LURAP1L: variants seen among roughly 807,000 people sequenced by gnomAD.
LURAP1L encodes leucine rich adaptor protein 1-like.
Under a neutral mutation model 13.8 loss-of-function variants are expected in LURAP1L, and 12 were observed. The observed-to-expected ratio is 0.87, with a 90% CI of 0.56 to 1.41. The LOEUF (loss-of-function observed/expected upper bound fraction) is 1.41. LURAP1L is among the 40% of genes most tolerant of loss of function. The pLI is 0.00. For missense variants in LURAP1L, 375 were observed against 292.9 expected (o/e 1.28, Z -2.04); for synonymous variants, 139 against 119.2 (o/e 1.17, Z -1.08).
chr9:12,776,086 G>GATCTGAGAATGGGGCT, intron 1 of LURAP1L, 59 bp downstream of exon 1: 1 of 1,524,610 alleles, frequency 6.6e-7, no homozygotes, highest in Non-Finnish European at 9.0e-7. Context: ...AAGATGGGGC[G>GATCTGAGAATGGGGCT]ATCTGAGAAT....
intron 1 of LURAP1L, among the ~76,000 whole-genome samples, chr9:12,778,275 C>CA (rs935809951): frequency 1.6e-4 from 25 of 152,076 alleles, no homozygotes; most frequent in African/African-American, 5.8e-4. Flanking sequence ...TCTTCCCCGG[C>CA]AAAAAGGCTT....
chr9:12,811,740 C>T (rs1181121264), intron 1 of LURAP1L, among the ~76,000 whole-genome samples: 1 of 152,184 alleles, frequency 6.6e-6, no homozygotes, highest in Non-Finnish European at 1.5e-5. Flanking sequence ...GTTATTCAAG[C>T]TGCATAACAA....
intron 1 of LURAP1L, among the ~76,000 whole-genome samples, chr9:12,811,255 T>A (rs1162993454): frequency 1.3e-5 from 2 of 152,242 alleles, no homozygotes; most frequent in African/African-American, 4.8e-5. Context: ...TTAATCTCGC[T>A]GCATTTTAAG....
chr9:12,799,696 T>C (rs113271104), intron 1 of LURAP1L, among the ~76,000 whole-genome samples: 1 of 152,208 alleles, frequency 6.6e-6, no homozygotes, highest in African/African-American at 2.4e-5. Context: ...GTGGCTAACA[T>C]GGTGAAACCT....
chr9:12,799,180 G>C (rs1038724401), intron 1 of LURAP1L, among the ~76,000 whole-genome samples: 1 of 152,142 alleles, frequency 6.6e-6, no homozygotes, highest in African/African-American at 2.4e-5. Context: ...TTTTGGCCAA[G>C]TCATCAAGCT....
chr9:12,806,754 G>A (rs1819662161), intron 1 of LURAP1L, among the ~76,000 whole-genome samples: 3 of 151,662 alleles, frequency 2.0e-5, no homozygotes. Context: ...AAAAAAATAA[G>A]GTGTTGAGAT....
intron 1 of LURAP1L, among the ~76,000 whole-genome samples, chr9:12,804,346 ATTT>A (rs5896539): frequency 7.1e-6 from 1 of 141,442 alleles, no homozygotes. Flanking sequence ...TTGTTATCTG[ATTT>A]TTTTTTTTTT....
At chr9:12,812,905 C>T (rs1415838955) in intron 1 of LURAP1L, among the ~76,000 whole-genome samples, 1 of 152,102 alleles carries the variant, frequency 6.6e-6, no homozygotes, top group Non-Finnish European at 1.5e-5. Context: ...CATGTCTCAA[C>T]AATGCTGAGT....
chr9:12,789,805 G>T (rs960620577), intron 1 of LURAP1L, among the ~76,000 whole-genome samples: 3 of 152,088 alleles, frequency 2.0e-5, no homozygotes, highest in Admixed American at 1.3e-4. Flanking sequence ...TTTTAGAAAA[G>T]AAATAGTCTT....
At chr9:12,777,240 G>A in intron 1 of LURAP1L, 1 of 985,314 alleles carries the variant, frequency 1.0e-6, no homozygotes, top group Non-Finnish European at 1.2e-6. Context: ...GTACATAATG[G>A]AGAAGCTGGA....
At chr9:12,799,971 A>G (rs1023200373) in intron 1 of LURAP1L, among the ~76,000 whole-genome samples, 1 of 152,112 alleles carries the variant, frequency 6.6e-6, no homozygotes, top group African/African-American at 2.4e-5. Flanking sequence ...GTTACTGGTT[A>G]CTACAGTCAG....
At chr9:12,819,568 A>T (rs532599541) in intron 1 of LURAP1L, among the ~76,000 whole-genome samples, 2 of 152,318 alleles carry the variant, frequency 1.3e-5, no homozygotes, top group South Asian at 4.1e-4. Flanking sequence ...AACTGACATA[A>T]ATCTGAATTA....
At chr9:12,784,988 T>C (rs1481985814) in intron 1 of LURAP1L, among the ~76,000 whole-genome samples, 3 of 151,946 alleles carry the variant, frequency 2.0e-5, no homozygotes, top group African/African-American at 7.2e-5. Context: ...TTTCTCCTCA[T>C]GGCCACCACT....
chr9:12,781,374 G>A (rs940929657), intron 1 of LURAP1L, among the ~76,000 whole-genome samples: 2 of 152,054 alleles, frequency 1.3e-5, no homozygotes, highest in African/African-American at 4.8e-5. Context: ...CTATATTAAT[G>A]TATCCATTAA....
At chr9:12,820,105 C>T (rs1245765390) in intron 1 of LURAP1L, among the ~76,000 whole-genome samples, 1 of 152,174 alleles carries the variant, frequency 6.6e-6, no homozygotes, top group Non-Finnish European at 1.5e-5. Context: ...CAAACACCAC[C>T]TCTTGATATT....
chr9:12,801,383 G>C (rs1448234139), intron 1 of LURAP1L, among the ~76,000 whole-genome samples: 1 of 151,914 alleles, frequency 6.6e-6, no homozygotes, highest in Non-Finnish European at 1.5e-5. Context: ...AATTAGAGAA[G>C]TACATCTTAG....
At chr9:12,780,413 T>A (rs369661002) in intron 1 of LURAP1L, among the ~76,000 whole-genome samples, 1 of 110,972 alleles carries the variant, frequency 9.0e-6, no homozygotes, top group South Asian at 3.0e-4. Context: ...ATCTTAGACC[T>A]CTAAATTAAA....
intron 1 of LURAP1L, among the ~76,000 whole-genome samples, chr9:12,807,912 T>C (rs1001512720): frequency 5.9e-5 from 9 of 152,134 alleles, no homozygotes; most frequent in Non-Finnish European, 1.2e-4. Context: ...GTTTTTAGAA[T>C]ATGTTTACAA....
At position 12,822,395 on chromosome 9, in the gene LURAP1L, G is replaced by A. The variant is rs990469885; in HGVS notation, c.*635G>A. 6.6e-6 allele frequency among the ~76,000 whole-genome samples: 1 copy of A among 152,138 alleles called. No individual in the cohort carries two copies. The highest frequency in any genetic ancestry group is 1.9e-4 in the East Asian group (1 of 5,198). ...ACTTTAGATTAACATTTTGTCATCAGTGATTCTAACTCAAATCATATGTTT... is the reference window on the plus strand; with the variant it reads ...ACTTTAGATTAACATTTTGTCATCAATGATTCTAACTCAAATCATATGTTT... On this transcript the variant is annotated 3_prime_UTR_variant, in exon 2 of 2. Transcript: ENST00000319264.
Sources: gnomAD v4.1 joint callset for allele counts (sites outside exome capture counted in the v4.1 genomes callset) on GRCh38, gnomAD v4.1.1 for gene constraint, MANE v1.5 for transcripts, NCBI Gene and HGNC (gene_info 2026-07-23, HGNC 2026-07-21) for gene names.